The following IGF2BP3 variants were observed in gnomAD, a reference collection of about 807,000 sequenced individuals.
IGF2BP3 encodes the protein insulin-like growth factor 2 mRNA-binding protein 3.
Under a neutral mutation model 73.8 loss-of-function variants are expected in IGF2BP3, and 9 were observed. The ratio of observed to expected loss-of-function variants is 0.12; its 90% CI spans 0.07 to 0.21. The LOEUF is 0.21. IGF2BP3 is among the 10% of genes least tolerant of loss of function. The pLI, the probability that IGF2BP3 is intolerant of heterozygous loss-of-function variation, is 1.00. For missense variants in IGF2BP3, 542 were observed against 714.0 expected, an observed-to-expected ratio of 0.76 and a Z score of 2.75; for synonymous variants, 258 against 256.7, an observed-to-expected ratio of 1.01 and a Z score of -0.05.
chr7:23,316,328 G>T (rs557531186), intron 12 of IGF2BP3, among the ~76,000 whole-genome samples: 4 of 152,240 alleles, frequency 2.6e-5, no homozygotes, highest in African/African-American at 9.6e-5. Context: ...GAGAGAGGTG[G>T]GGTGGGGAGA....
chr7:23,408,164 G>C (rs1786905477), intron 3 of IGF2BP3, among the ~76,000 whole-genome samples: 1 of 152,084 alleles, frequency 6.6e-6, no homozygotes, highest in Non-Finnish European at 1.5e-5. Context: ...GATGATGAAA[G>C]ACAATGTTTT....
chr7:23,383,837 C>G (rs895287983), intron 3 of IGF2BP3, among the ~76,000 whole-genome samples: 6 of 152,046 alleles, frequency 3.9e-5, no homozygotes, highest in Non-Finnish European at 7.4e-5. Flanking sequence ...TGGCTCACAC[C>G]TGTAATTCCA....
At chr7:23,336,137 A>C (rs1050550750) in intron 10 of IGF2BP3, among the ~76,000 whole-genome samples, 1 of 152,208 alleles carries the variant, frequency 6.6e-6, no homozygotes, top group Non-Finnish European at 1.5e-5. Flanking sequence ...ATGAGAAAAC[A>C]TGAGTAGAGA....
intron 5 of IGF2BP3, among the ~76,000 whole-genome samples, chr7:23,355,012 CAA>C (rs1785055754): frequency 6.6e-6 from 1 of 152,106 alleles, no homozygotes; most frequent in African/African-American, 2.4e-5. Flanking sequence ...TTTCTAGGCA[CAA>C]AGTTTGTTAT....
At chr7:23,405,119 A>C (rs2128527702) in intron 3 of IGF2BP3, 1 of 152,376 alleles carries the variant, frequency 6.6e-6, no homozygotes, top group Non-Finnish European at 1.5e-5. Context: ...ATCTACAAGA[A>C]AAAAGCAAAT....
intron 3 of IGF2BP3, among the ~76,000 whole-genome samples, chr7:23,368,353 A>AAGAAAGAAAGAG (rs1785446376): frequency 6.8e-6 from 1 of 147,238 alleles, no homozygotes; most frequent in Non-Finnish European, 1.5e-5. Flanking sequence ...AAAAGAAAGA[A>AAGAAAGAAAGAG]AGAAAGAAAG....
At chr7:23,388,651 GGGA>G (rs1786168821) in intron 3 of IGF2BP3, among the ~76,000 whole-genome samples, 1 of 146,974 alleles carries the variant, frequency 6.8e-6, no homozygotes, top group Non-Finnish European at 1.5e-5. Flanking sequence ...CATTCCCCAA[GGGA>G]GGAGATTTTT....
Position 23,399,363 on chromosome 7 carries a change from CATGT to C in IGF2BP3, c.285+19409_285+19412del, listed in dbSNP as rs1246043041. ...ACATATGTAACCTGCACATTGTGCACATGTACCCTAAAACTTAAAGTATAATAAT... is the reference window on the plus strand; with the variant it reads ...ACATATGTAACCTGCACATTGTGCACACCCTAAAACTTAAAGTATAATAAT... On this transcript the variant is annotated intron_variant, in intron 3 of 14. Coordinates refer to ENST00000258729, the MANE Select transcript of IGF2BP3 (RefSeq NM_006547.3). Among the ~76,000 whole-genome samples the C allele has an allele frequency of 1.2e-4, 18 of 149,702 alleles. No individual in the cohort carries two copies. The East Asian group carries it at 3.3e-3, about 28-fold the overall frequency.
chr7:23,314,116 C>T (rs1783908732), intron 12 of IGF2BP3, among the ~76,000 whole-genome samples: 1 of 151,908 alleles, frequency 6.6e-6, no homozygotes. Flanking sequence ...ACCTCCTGGG[C>T]TCAAGCGATC....
At position 23,343,846 on chromosome 7, in the gene IGF2BP3, C is replaced by T. The variant is rs747336827; in HGVS notation, c.949G>A (p.Glu317Lys). ...CGTTCTGGATTATACAGCGTCAATT[C>T]CTGCAATCTGCAGAATGAAAAAGAA... is the stretch of plus-strand genomic sequence containing the variant. ...DTKITISPLQ[E>K]LTLYNPERTI... Residue 317 changes from glutamate (E) to lysine (K), a missense_variant, in exon 9 of 15, where the codon GAA (glutamate) becomes AAA (lysine). Glu to Lys is a moderately conservative substitution (Grantham distance 56). This residue lies in a region of IGF2BP3 where 303 missense variants were observed against 472.1 expected (regional missense o/e 0.64). Coordinates refer to ENST00000258729, the MANE Select transcript of IGF2BP3 (RefSeq NM_006547.3). 2 of 1,609,984 alleles carry T rather than the reference C, an allele frequency of 1.2e-6. No homozygotes were observed. Among genetic ancestry groups the T allele is most frequent in the African/African-American group, 2.7e-5 (2 of 74,828 alleles).
chr7:23,448,709 C>A (rs1231789211), intron 2 of IGF2BP3, among the ~76,000 whole-genome samples: 1 of 152,182 alleles, frequency 6.6e-6, no homozygotes, highest in Non-Finnish European at 1.5e-5. Context: ...CAGCTCAGTG[C>A]AGCCTCCACC....
Position 23,379,835 on chromosome 7 carries a change from G to A in IGF2BP3, c.286-18094C>T, listed in dbSNP as rs778140903. 8.0e-4 allele frequency among the ~76,000 whole-genome samples: 121 copies of A among 152,090 alleles called. 2 individuals are homozygous for A. The highest frequency in any genetic ancestry group is 2.5e-4 in the Non-Finnish European group (17 of 68,022). On this transcript the variant is annotated intron_variant, in intron 3 of 14. Transcript: ENST00000258729. The stretch of plus-strand genomic sequence containing the variant: ...GGTTTGGAACCTATATGCTCTTATA[G>A]CTTATATTTGGTCCCTACAAAATAT...
Position 23,325,416 on chromosome 7 carries a change from T to C in IGF2BP3, c.1204-6162A>G, listed in dbSNP as rs1419633021. The stretch of plus-strand genomic sequence containing the variant: ...AACTACAAACCACTGCTCAATGAAA[T>C]AAAAGAGGATACAAACAAATGGAAG... On this transcript the variant is annotated intron_variant, in intron 10 of 14. Transcript: ENST00000258729. Among the ~76,000 whole-genome samples the C allele has an allele frequency of 3.3e-5, 5 of 152,056 alleles. No homozygotes were observed. In the South Asian group the frequency reaches 1.0e-3, roughly 32 times the overall value.
chr7:23,355,927 T>C (rs945090441), intron 5 of IGF2BP3, among the ~76,000 whole-genome samples: 3 of 122,252 alleles, frequency 2.5e-5, no homozygotes, highest in African/African-American at 8.4e-5. Flanking sequence ...AATGAGACTT[T>C]GTCTCCAAAA....
At chr7:23,385,351 T>C (rs1203598106) in intron 3 of IGF2BP3, among the ~76,000 whole-genome samples, 2 of 152,186 alleles carry the variant, frequency 1.3e-5, no homozygotes, top group East Asian at 3.9e-4. Flanking sequence ...CTACTGTGGT[T>C]CTCAATCTTG....
chr7:23,410,940 T>A (rs996331189), intron 3 of IGF2BP3, among the ~76,000 whole-genome samples: 2 of 152,176 alleles, frequency 1.3e-5, no homozygotes, highest in African/African-American at 4.8e-5. Flanking sequence ...AGTGGGGACA[T>A]GGGACTGCTG....
rs1382549303 is a variant in IGF2BP3 at position 23,464,227 on chromosome 7, TAGCC to T, written c.236+4251_236+4254del. ...TTAAAATGCAACACTAGCTTTTAAA[TAGCC>T]ACTTAAAGTAAGTTACATTTAAAAC... On this transcript the variant is annotated intron_variant, in intron 2 of 14. Coordinates refer to ENST00000258729, the MANE Select transcript of IGF2BP3 (RefSeq NM_006547.3). Among the ~76,000 whole-genome samples, 8 of 152,354 alleles carry T rather than the reference TAGCC, an allele frequency of 5.3e-5. No individual in the cohort carries two copies. The South Asian group carries it at 1.5e-3, about 28-fold the overall frequency.
intron 10 of IGF2BP3, among the ~76,000 whole-genome samples, chr7:23,331,137 T>C (rs1212035952): frequency 6.6e-6 from 1 of 152,190 alleles, no homozygotes; most frequent in African/African-American, 2.4e-5. Flanking sequence ...TGATTTATAC[T>C]AAGATGATTT....
At chr7:23,435,217 C>T (rs552108717) in intron 2 of IGF2BP3, among the ~76,000 whole-genome samples, 99 of 144,206 alleles carry the variant, frequency 6.9e-4, no homozygotes, top group African/African-American at 2.4e-3. Context: ...CGCTTGAACC[C>T]GGGAGGCGGA....
Sources: gnomAD v4.1 joint callset for allele counts (sites outside exome capture counted in the v4.1 genomes callset) on GRCh38, gnomAD v4.1.1 for gene constraint, gnomAD v4.1.1 regional missense constraint, MANE v1.5 for transcripts, NCBI Gene and HGNC (gene_info 2026-07-23, HGNC 2026-07-21) for gene names.